Variants in DDX47 observed in about 807,000 individuals in gnomAD.
DDX47 encodes the protein DEAD-box helicase 47.
In DDX47, 60 loss-of-function variants were observed where a neutral mutation model predicts 58.8. The ratio of observed to expected loss-of-function variants is 1.02; its 90% CI spans 0.83 to 1.26. The LOEUF is 1.26. Ranked by LOEUF, DDX47 falls within the 50% of genes most tolerant of loss-of-function variation. The pLI is 0.00. For synonymous variants in DDX47, 197 were observed against 204.6 expected, an observed-to-expected ratio of 0.96 and a Z score of 0.32; for missense variants, 530 against 573.2, an observed-to-expected ratio of 0.92 and a Z score of 0.77.
chr12:12,814,273 G>A, intron 2 of DDX47, 49 bp downstream of exon 2: 1 of 1,162,158 alleles, frequency 8.6e-7, no homozygotes, highest in South Asian at 1.2e-5. Context: ...ATCTCAATTA[G>A]ATACCCCTTT....
intron 11 of DDX47, among the ~76,000 whole-genome samples, chr12:12,827,869 C>CTTTTTTTTTTTTTTT (rs1354059622): frequency 9.1e-6 from 1 of 109,692 alleles, no homozygotes; most frequent in Non-Finnish European, 1.8e-5. Flanking sequence ...CAAAACTTTT[C>CTTTTTTTTTTTTTTT]TTTTTTCTTT....
intron 3 of DDX47, 22 bp from the exon 4 acceptor site, chr12:12,821,633 T>C: frequency 6.2e-7 from 1 of 1,610,144 alleles, no homozygotes. Context: ...ATCTCGTCTC[T>C]ATGTTCTTTT....
Position 12,829,582 on chromosome 12 carries a change from T to C in DDX47, c.*28T>C. ...ACTTTTATGAAGGCTCGAGTTCTGC[T>C]GTTCTGTAAAAGAGAATTGGAGAAT... On this transcript the variant is annotated 3_prime_UTR_variant, in exon 12 of 12. Transcript: ENST00000358007. The C allele has an allele frequency of 6.2e-7, 1 of 1,607,358 alleles. No homozygotes were observed. Among genetic ancestry groups the C allele is most frequent in the Non-Finnish European group, 8.5e-7 (1 of 1,177,700 alleles).
Position 12,822,017 on chromosome 12 carries a change from G to C in DDX47, c.495G>C (p.Leu165Phe). The change falls in exon 5 of 12, where the codon TTG (leucine) becomes TTC (phenylalanine). Residue 165 changes from leucine to phenylalanine, a missense_variant. By Grantham distance (22) the Leu-to-Phe change is conservative. Coordinates refer to ENST00000358007, the MANE Select transcript of DDX47 (RefSeq NM_016355.4). Reference sequence around the variant, plus strand: ...TGGAAAATACGAAAGGTTTCAACTTGAGAGCTCTCAAATACTTGGTCATGG... The same window carrying C: ...TGGAAAATACGAAAGGTTTCAACTTCAGAGCTCTCAAATACTTGGTCATGG... ...DHLENTKGFNLRALKYLVMDE... is the reference protein window; with the variant it reads ...DHLENTKGFNFRALKYLVMDE... 1 of 1,613,720 alleles carries C rather than the reference G, an allele frequency of 6.2e-7. No individual in the cohort carries two copies. Among genetic ancestry groups the C allele is most frequent in the Non-Finnish European group, 8.5e-7 (1 of 1,179,924 alleles).
rs1463945119 is a variant in DDX47, at chr12:12,823,990, A to G, written c.871A>G (p.Ile291Val). 1 of 1,614,084 alleles carries G rather than the reference A, an allele frequency of 6.2e-7. No homozygotes were observed. The highest frequency in any genetic ancestry group is 8.5e-7 in the Non-Finnish European group (1 of 1,179,982). Residue 291 changes from isoleucine to valine, a missense_variant, in exon 8 of 12, where the codon ATC (isoleucine) becomes GTC (valine). Ile to Val is a conservative substitution (Grantham distance 29). Transcript: ENST00000358007. ...ACTGCGAAATCTTGGCTTCACTGCC[A>G]TCCCCCTCCATGGACAAATGAGTCA... The part of the protein sequence containing the change: ...LLLRNLGFTA[I>V]PLHGQMSQSK...
At chr12:12,818,769 C>T (rs183569536) in intron 2 of DDX47, among the ~76,000 whole-genome samples, 8 of 152,080 alleles carry the variant, frequency 5.3e-5, no homozygotes, top group African/African-American at 1.4e-4. Context: ...TGGCAGGAGG[C>T]GAAAGGCACT....
intron 5 of DDX47, among the ~76,000 whole-genome samples, chr12:12,822,356 T>C (rs1331922523): frequency 6.6e-6 from 1 of 152,254 alleles, no homozygotes; most frequent in Non-Finnish European, 1.5e-5. Context: ...TTTTCTTTGA[T>C]GACCCACTAA....
chr12:12,821,419 A>G, intron 3 of DDX47, 23 bp downstream of exon 3: 1 of 1,613,440 alleles, frequency 6.2e-7, no homozygotes, highest in Non-Finnish European at 8.5e-7. Flanking sequence ...GAGGGAAGGG[A>G]TCCTAGGTTG....
At chr12:12,828,018 A>G (rs548547211) in intron 11 of DDX47, among the ~76,000 whole-genome samples, 2 of 151,702 alleles carry the variant, frequency 1.3e-5, no homozygotes, top group Non-Finnish European at 2.9e-5. Context: ...GGCATGTGCC[A>G]CCATGCCCAG....
intron 6 of DDX47, 33 bp downstream of exon 6, chr12:12,822,765 A>G (rs374347218): frequency 1.0e-5 from 16 of 1,539,018 alleles, no homozygotes; most frequent in African/African-American, 1.4e-5. Flanking sequence ...TTTCTTCTTT[A>G]TGAGAATTGA....
chr12:12,824,458 T>C (rs962800922), intron 8 of DDX47, 82 bp from the exon 9 acceptor site: 4 of 1,483,784 alleles, frequency 2.7e-6, no homozygotes, highest in Non-Finnish European at 1.8e-6. Context: ...TTATGTCTGT[T>C]TGTTCTCGTG....
At chr12:12,818,006 C>G (rs1592321515) in intron 2 of DDX47, among the ~76,000 whole-genome samples, 1 of 152,184 alleles carries the variant, frequency 6.6e-6, no homozygotes, top group Non-Finnish European at 1.5e-5. Context: ...GCCTGCTGTT[C>G]CCGAAGGTGT....
chr12:12,826,829 C>T (rs538997723), intron 10 of DDX47, among the ~76,000 whole-genome samples: 78 of 152,048 alleles, frequency 5.1e-4, no homozygotes, highest in African/African-American at 1.5e-3. Flanking sequence ...TTGATCATAG[C>T]TCACTGCAGC....
intron 5 of DDX47, 56 bp from the exon 6 acceptor site, chr12:12,822,605 T>A (rs1862990103): frequency 1.4e-6 from 2 of 1,440,442 alleles, no homozygotes; most frequent in Admixed American, 3.4e-5. Flanking sequence ...CCTAGAGGAT[T>A]TGCAGCTCTT....
chr12:12,822,795 TAAC>T, intron 6 of DDX47, 63 bp downstream of exon 6: 1 of 1,380,648 alleles, frequency 7.2e-7, no homozygotes, highest in Non-Finnish European at 1.0e-6. Context: ...TAAATAGTAA[TAAC>T]AATAAGGAAA....
intron 1 of DDX47, 62 bp downstream of exon 1, chr12:12,813,516 G>C (rs890076268): frequency 7.0e-6 from 10 of 1,426,922 alleles, no homozygotes; most frequent in Non-Finnish European, 9.7e-6. Flanking sequence ...GGAGACCCCA[G>C]GTACCTTAGA....
intron 5 of DDX47, among the ~76,000 whole-genome samples, 170 bp downstream of exon 5, chr12:12,822,253 G>C (rs1460344777): frequency 6.6e-6 from 1 of 152,146 alleles, no homozygotes; most frequent in East Asian, 1.9e-4. Flanking sequence ...AATATAGTCT[G>C]ACTCTGACTT....
intron 10 of DDX47, 164 bp downstream of exon 10, chr12:12,826,234 G>A (rs1863050079): frequency 2.0e-6 from 1 of 506,650 alleles, no homozygotes; most frequent in Non-Finnish European, 3.4e-6. Context: ...ATCTAGCAGG[G>A]TTTTGGTGAA....
Position 12,821,398 on chromosome 12 carries a change from T to C in DDX47, c.370+2T>C. ...GGTCCTCTATTGGAGTGCAGAGTGG[T>C]AAGTGTCTGAGAGGGAAGGGATCCT... On this transcript the variant is annotated splice_donor_variant, in intron 3 of 11. Coordinates refer to ENST00000358007, the MANE Select transcript of DDX47 (RefSeq NM_016355.4). LOFTEE classifies it high-confidence loss of function. 1 of 1,614,110 alleles carries C rather than the reference T, an allele frequency of 6.2e-7. No homozygotes were observed. The highest frequency in any genetic ancestry group is 8.5e-7 in the Non-Finnish European group (1 of 1,179,990).
Sources: gnomAD v4.1 joint callset for allele counts (sites outside exome capture counted in the v4.1 genomes callset) on GRCh38, gnomAD v4.1.1 for gene constraint, MANE v1.5 for transcripts, NCBI Gene and HGNC (gene_info 2026-07-23, HGNC 2026-07-21) for gene names.